The following DNAH1 variants were observed in gnomAD, a reference collection of about 807,000 sequenced individuals.
The protein encoded by DNAH1 is axonemal beta dynein heavy chain 1.
A neutral mutation model predicts 484.3 loss-of-function variants in DNAH1; 327 were observed. The observed-to-expected ratio is 0.68, with a 90% confidence interval of 0.62 to 0.74. DNAH1 has a LOEUF of 0.74. Ranked by LOEUF, DNAH1 falls within the 30% of genes least tolerant of loss-of-function variation. The pLI is 0.00. For missense variants in DNAH1, 5,052 were observed against 5,546.8 expected (o/e 0.91, Z 2.83); for synonymous variants, 2,192 against 2,191.9 (o/e 1.00, Z 0.00).
At chr3:52,360,174 C>T in intron 27 of DNAH1, 95 bp downstream of exon 27, 2 of 1,568,104 alleles carry the variant, frequency 1.3e-6, no homozygotes, top group Non-Finnish European at 1.7e-6. Flanking sequence ...TGGTCTCTGT[C>T]CTTGAGGTTC....
intron 56 of DNAH1, 96 bp downstream of exon 56, chr3:52,386,949 T>A: frequency 7.8e-7 from 1 of 1,288,834 alleles, no homozygotes; most frequent in Non-Finnish European, 1.1e-6. Context: ...CACCACATCA[T>A]CTGCATGTGC....
At chr3:52,399,504 GTAT>G (rs1308457363) in intron 76 of DNAH1, 38 bp from the exon 77 acceptor site, 1 of 1,529,794 alleles carries the variant, frequency 6.5e-7, no homozygotes, top group Admixed American at 1.9e-5. Flanking sequence ...CAGATTCTGG[GTAT>G]TGTTATGTGT....
intron 11 of DNAH1, among the ~76,000 whole-genome samples, chr3:52,347,219 G>A (rs759410933): frequency 3.3e-5 from 5 of 150,562 alleles, no homozygotes; most frequent in Non-Finnish European, 7.4e-5. Context: ...ATGAGGCGAT[G>A]TGAGGTGGAG....
intron 8 of DNAH1, among the ~76,000 whole-genome samples, chr3:52,335,474 A>C (rs1282671578): frequency 8.2e-5 from 12 of 145,704 alleles, no homozygotes; most frequent in African/African-American, 2.6e-5. Flanking sequence ...CACCCAGCTA[A>C]TTTTTGTATT....
chr3:52,325,430 CT>C (rs1701300930), intron 3 of DNAH1, among the ~76,000 whole-genome samples: 1 of 152,212 alleles, frequency 6.6e-6, no homozygotes, highest in African/African-American at 2.4e-5. Context: ...TGGCCATCCC[CT>C]CCTAAAGCAA....
chr3:52,384,153 G>A, intron 52 of DNAH1, 122 bp downstream of exon 52: 2 of 1,104,686 alleles, frequency 1.8e-6, no homozygotes, highest in Non-Finnish European at 2.5e-6. Context: ...CTTTTGGTCA[G>A]GCTGTGTTTC....
chr3:52,349,104 G>C, intron 13 of DNAH1, 23 bp downstream of exon 13: 1 of 1,612,392 alleles, frequency 6.2e-7, no homozygotes, highest in African/African-American at 1.3e-5. Flanking sequence ...GCCCATGCAC[G>C]TCGGAGGGTG....
chr3:52,376,412 GTCCTT>G (rs1173119968), intron 46 of DNAH1, among the ~76,000 whole-genome samples: 1 of 152,190 alleles, frequency 6.6e-6, no homozygotes, highest in Non-Finnish European at 1.5e-5. Context: ...TGCAGTCCCT[GTCCTT>G]GCCCAGGCCT....
chr3:52,374,572 C>T, intron 44 of DNAH1: 1 of 1,504,246 alleles, frequency 6.6e-7, no homozygotes, highest in Non-Finnish European at 9.3e-7. Context: ...GTCTCCAGCC[C>T]ACACTTCCAG....
chr3:52,365,982 T>C (rs1036273230), intron 34 of DNAH1, among the ~76,000 whole-genome samples: 2 of 152,236 alleles, frequency 1.3e-5, no homozygotes, highest in African/African-American at 2.4e-5. Flanking sequence ...ACCACCCTTC[T>C]TGGGCCAAAG....
upstream of DNAH1, among the ~76,000 whole-genome samples, chr3:52,315,284 G>A (rs941262009): frequency 6.6e-5 from 10 of 152,172 alleles, no homozygotes; most frequent in Admixed American, 5.9e-4. Flanking sequence ...GGTGGGGAGC[G>A]GGTAGCTCAG....
In DNAH1 at chr3:52,366,518, C is replaced by T. The variant is rs775222234; in HGVS notation, c.5580C>T (p.Leu1860=). 4.0e-5 allele frequency: 64 copies of T among 1,601,224 alleles called. No homozygotes were observed. Among genetic ancestry groups the T allele is most frequent in the African/African-American group, 5.4e-5 (4 of 74,582 alleles). Residue 1860 remains leucine (L), a synonymous_variant, in exon 35 of 78, where the codon CTC becomes CTT. Coordinates refer to ENST00000420323, the MANE Select transcript of DNAH1 (RefSeq NM_015512.5). ...ETTVVRHGLM[L]VGPTGSGKST... ...CGGTGGTACGACACGGCCTCATGCTCGTCGGGCCCACAGGCTCCGGCAAGA... is the reference window on the plus strand; with the variant it reads ...CGGTGGTACGACACGGCCTCATGCTTGTCGGGCCCACAGGCTCCGGCAAGA...
intron 8 of DNAH1, among the ~76,000 whole-genome samples, chr3:52,334,434 A>G (rs574179738): frequency 6.6e-6 from 1 of 152,324 alleles, no homozygotes; most frequent in Admixed American, 6.5e-5. Context: ...TAAATACTGT[A>G]TACACTTAGG....
intron 44 of DNAH1, among the ~76,000 whole-genome samples, chr3:52,373,470 GAC>G (rs1233152506): frequency 6.6e-6 from 1 of 152,262 alleles, no homozygotes; most frequent in Non-Finnish European, 1.5e-5. Flanking sequence ...AGAAGGACAA[GAC>G]ACAGTAGAAT....
chr3:52,385,447 G>A lies in DNAH1; in HGVS notation c.8625G>A (p.Lys2875=). Reference sequence around the variant, plus strand: ...CCATGCTCACCATGGAGCAGATCAAGGTTGGGGTGCTCCCGAGCCCCTCCC... The same window carrying A: ...CCATGCTCACCATGGAGCAGATCAAAGTTGGGGTGCTCCCGAGCCCCTCCC... ...KDTMLTMEQI[K]VDTAIAEETR... The change falls in exon 54 of 78, where the codon AAG becomes AAA. Residue 2875 remains lysine, a splice_region_variant and synonymous_variant. Transcript: ENST00000420323. 1.9e-6 allele frequency: 3 copies of A among 1,551,478 alleles called. No homozygotes were observed. The highest frequency in any genetic ancestry group is 1.7e-6 in the Non-Finnish European group (2 of 1,146,856).
In DNAH1 at chr3:52,350,705, A is replaced by G; in HGVS notation, c.2729+115A>G. Reference sequence around the variant, plus strand: ...CACAGTCTGTGCAATCTCCCCAGAAACACCCCACTGAGATTTCAGAGGCCA... The same window carrying G: ...CACAGTCTGTGCAATCTCCCCAGAAGCACCCCACTGAGATTTCAGAGGCCA... On this transcript the variant is annotated intron_variant, in intron 16 of 77. Coordinates refer to ENST00000420323, the MANE Select transcript of DNAH1 (RefSeq NM_015512.5). 3 of 981,636 alleles carry G rather than the reference A, an allele frequency of 3.1e-6. No individual in the cohort carries two copies. In the East Asian group the frequency reaches 7.8e-5, roughly 26 times the overall value. 60.8% of individuals were successfully genotyped at this position (981,636 alleles called of 1,614,324 possible).
rs763932334 is a variant in DNAH1, at chr3:52,383,943, G to A, written c.8234G>A (p.Trp2745Ter). 1 of 1,613,266 alleles carries A rather than the reference G, an allele frequency of 6.2e-7. No homozygotes were observed. Among genetic ancestry groups the A allele is most frequent in the Non-Finnish European group, 8.5e-7 (1 of 1,179,554 alleles). The change falls in exon 52 of 78, where the codon TGG becomes TAG. Residue 2745 changes from tryptophan (W) to a stop codon, truncating the protein, a stop_gained. Transcript: ENST00000420323. LOFTEE classifies it high-confidence loss of function. The part of the protein sequence containing the change: ...NCCTIDWFNE[W>*]PAEALKSVAT... ...TGTACCATCGACTGGTTTAACGAGTGGCCGGCAGAAGCCCTGAAGTCTGTG... is the reference window on the plus strand; with the variant it reads ...TGTACCATCGACTGGTTTAACGAGTAGCCGGCAGAAGCCCTGAAGTCTGTG...
chr3:52,378,615 C>T lies in DNAH1; in HGVS notation c.7212C>T (p.His2404=), dbSNP rs777392154. 8 of 1,613,410 alleles carry T rather than the reference C, an allele frequency of 5.0e-6. No homozygotes were observed. In the African/African-American group the frequency reaches 8.0e-5, roughly 16 times the overall value. The change falls in exon 47 of 78, where the codon CAC becomes CAT. Residue 2404 remains histidine (H), a synonymous_variant. Transcript: ENST00000420323. ...CTATTCCCCCAGCTGGGGCCCCCCACATTGCCCACTTCACGGAGCCCCTTG... is the reference window on the plus strand; with the variant it reads ...CTATTCCCCCAGCTGGGGCCCCCCATATTGCCCACTTCACGGAGCCCCTTG... The part of the protein sequence containing the change: ...SYRERVPGAP[H]IAHFTEPLVE...
chr3:52,361,847 GC>G lies in DNAH1; in HGVS notation c.4980+83del. On this transcript the variant is annotated intron_variant, in intron 30 of 77. Transcript: ENST00000420323. This position sits in a 1 kb window ranked among gnomAD's most constrained non-coding sequence, Gnocchi z 5.6. The stretch of plus-strand genomic sequence containing the variant: ...ACTGCTCCCCATTGCAGGCTGAGAA[GC>G]CAGGCGCTAAGGTCCACCCTGGGTC... The G allele has an allele frequency of 6.9e-7, 1 of 1,443,038 alleles. No homozygotes were observed. The highest frequency in any genetic ancestry group is 9.4e-7 in the Non-Finnish European group (1 of 1,059,274). 89.4% of individuals were successfully genotyped at this position (1,443,038 alleles called of 1,614,324 possible).
Sources: allele counts gnomAD v4.1 joint callset (sites outside exome capture counted in the v4.1 genomes callset), GRCh38; gene constraint gnomAD v4.1.1; non-coding constraint Gnocchi (gnomAD v3.1); transcripts MANE v1.5; gene names NCBI Gene and HGNC (gene_info 2026-07-23, HGNC 2026-07-21).